TPR: variants seen among roughly 807,000 people sequenced by gnomAD.
The protein encoded by TPR is nucleoprotein TPR.
A neutral mutation model predicts 316.1 loss-of-function variants in TPR; 51 were observed. The ratio of observed to expected loss-of-function variants is 0.16; its 90% CI spans 0.13 to 0.20. TPR has a LOEUF of 0.20. Among genes scored for constraint, TPR ranks in the 10% least tolerant of loss-of-function variants. The pLI is 1.00. For missense variants in TPR, 2,272 were observed against 2,754.8 expected (o/e 0.82, Z 3.92); for synonymous variants, 981 against 914.7 (o/e 1.07, Z -1.31).
Position 186,355,621 on chromosome 1 carries a change from G to A in TPR, c.2022+14C>T, listed in dbSNP as rs540678583. On this transcript the variant is annotated intron_variant, in intron 16 of 50. Transcript: ENST00000367478. ...CTCTAAAAACCTAACCCAGGACAAA[G>A]GTGTGATCTTTACCTGTTTAAGGGC... 2 of 1,614,012 alleles carry A rather than the reference G, an allele frequency of 1.2e-6. No individual in the cohort carries two copies. The highest frequency in any genetic ancestry group is 1.7e-6 in the Non-Finnish European group (2 of 1,179,984).
chr1:186,345,118 C>CACATACATACATACGCTCAAAAT, intron 24 of TPR, among the ~76,000 whole-genome samples: 1 of 152,042 alleles, frequency 6.6e-6, no homozygotes, highest in East Asian at 1.9e-4. Context: ...ATACTGTGTG[C>CACATACATACATACGCTCAAAAT]ACATACATAC....
intron 49 of TPR, 46 bp downstream of exon 49, chr1:186,317,436 A>C (rs1242465555): frequency 2.1e-6 from 3 of 1,430,352 alleles, no homozygotes; most frequent in Non-Finnish European, 3.0e-6. Flanking sequence ...TTCACAAACA[A>C]GTTTGATGTA....
chr1:186,324,564 C>T (rs1442582336), intron 42 of TPR, among the ~76,000 whole-genome samples: 4 of 152,266 alleles, frequency 2.6e-5, no homozygotes, highest in African/African-American at 9.6e-5. Flanking sequence ...GATTCAGATC[C>T]TTGCTCTAAT....
chr1:186,343,117 G>T, intron 27 of TPR: 1 of 466,332 alleles, frequency 2.1e-6, no homozygotes, highest in Non-Finnish European at 3.6e-6. Context: ...ATGGTATGAA[G>T]CTAGAATCTG....
At position 186,352,835 on chromosome 1, in the gene TPR, G is replaced by C. The variant is rs1658905893; in HGVS notation, c.2335-725C>G. 3.3e-5 allele frequency among the ~76,000 whole-genome samples: 5 copies of C among 152,204 alleles called. 1 individual carries two copies. In the South Asian group the frequency reaches 1.0e-3, roughly 31 times the overall value. The stretch of plus-strand genomic sequence containing the variant: ...AGGCAAATTATACATTAGCTCTTGA[G>C]TCTGTTTTACACAGGTAAAATGGGG... On this transcript the variant is annotated intron_variant, in intron 18 of 50. Transcript: ENST00000367478.
rs372907804 is a variant in TPR at position 186,338,184 on chromosome 1, T to C, written c.4211A>G (p.Asn1404Ser). Residue 1404 changes from asparagine (N) to serine (S), a missense_variant, in exon 31 of 51, where the codon AAT becomes AGT. Around this residue, in one of 10 missense-constraint regions of TPR, gnomAD observed 96 missense variants for 134.6 expected, o/e 0.71. Coordinates refer to ENST00000367478, the MANE Select transcript of TPR (RefSeq NM_003292.3). ...GGTTTCCTTTTCAGTTCTTACTTTA[T>C]TTAGATCTTCCTTCAGACTCTGAAT... ...NLIQSLKEDL[N>S]KVRTEKETIQ... is the part of the protein sequence containing the mutation. 36 of 1,612,908 alleles carry C rather than the reference T, an allele frequency of 2.2e-5. No homozygotes were observed. The highest frequency in any genetic ancestry group is 4.5e-5 in the East Asian group (2 of 44,714).
At chr1:186,354,724 T>G (rs1658971813) in intron 17 of TPR, among the ~76,000 whole-genome samples, 1 of 152,202 alleles carries the variant, frequency 6.6e-6, no homozygotes, top group African/African-American at 2.4e-5. Flanking sequence ...TTAATTCTCC[T>G]AAAACTACAT....
rs1037221831 is a variant in TPR at position 186,311,838 on chromosome 1, G to A, written c.*2133C>T. On this transcript the variant is annotated 3_prime_UTR_variant, in exon 51 of 51. Coordinates refer to ENST00000367478, the MANE Select transcript of TPR (RefSeq NM_003292.3). ...CACTGATAGAATGTCATTTACTTTC[G>A]CTTCACAAATGTGCATGTCATCCTT... 1.6e-5 allele frequency: 9 copies of A among 577,992 alleles called. No individual in the cohort carries two copies. The highest frequency in any genetic ancestry group is 1.2e-4 in the East Asian group (4 of 33,436). The allele number at this position is 577,992 out of a possible 1,614,324, so 35.8% of individuals were successfully genotyped here. A position where few individuals can be genotyped will look rare whatever the true frequency, so the allele number is the denominator to read the frequency against.
chr1:186,350,251 A>G lies in TPR; in HGVS notation c.2748T>C (p.Ala916=). 6.2e-7 allele frequency: 1 copy of G among 1,611,460 alleles called. No homozygotes were observed. The highest frequency in any genetic ancestry group is 8.5e-7 in the Non-Finnish European group (1 of 1,179,338). Residue 916 remains alanine, a synonymous_variant, in exon 21 of 51, where the codon GCT becomes GCC. Coordinates refer to ENST00000367478, the MANE Select transcript of TPR (RefSeq NM_003292.3). ...QHLSNMEVQV[A]SQSSQRTGKG... is the part of the protein sequence containing the mutation. ...TACCAGTTCTCTGTGAAGACTGAGA[A>G]GCAACTTGGACTTCCATATTACTGA...
intron 11 of TPR, 110 bp from the exon 12 acceptor site, chr1:186,360,106 T>TA: frequency 7.6e-7 from 1 of 1,320,624 alleles, no homozygotes; most frequent in Non-Finnish European, 1.1e-6. Context: ...TGGCAATGTT[T>TA]ACTATGTTAG....
At position 186,327,707 on chromosome 1, in the gene TPR, T is replaced by C. The variant is rs374126901; in HGVS notation, c.5689-47A>G. On this transcript the variant is annotated intron_variant, in intron 39 of 50. Transcript: ENST00000367478. ...AAAAGAATTAAGAGCCCTATAAACA[T>C]ACCTAAAACTATATGTGAGGTATTA... 6.3e-5 allele frequency: 95 copies of C among 1,496,730 alleles called. No homozygotes were observed. In the Admixed American group the frequency reaches 1.0e-3, roughly 16 times the overall value. 92.7% of individuals were successfully genotyped at this position (1,496,730 alleles called of 1,614,324 possible). A position where few individuals can be genotyped will look rare whatever the true frequency, so the allele number is the denominator to read the frequency against.
intron 50 of TPR, 87 bp from the exon 51 acceptor site, chr1:186,314,113 T>C: frequency 8.0e-7 from 1 of 1,251,272 alleles, no homozygotes; most frequent in East Asian, 2.3e-5. Flanking sequence ...TTATAAAAAA[T>C]ATCTAGGCAT....
intron 2 of TPR, among the ~76,000 whole-genome samples, chr1:186,371,995 A>C (rs1334010936): frequency 6.6e-6 from 1 of 152,180 alleles, no homozygotes; most frequent in Non-Finnish European, 1.5e-5. Flanking sequence ...CACTACTACT[A>C]AACAGATCTT....
intron 37 of TPR, among the ~76,000 whole-genome samples, chr1:186,332,599 G>A (rs1658199400): frequency 6.6e-6 from 1 of 152,066 alleles, no homozygotes; most frequent in Non-Finnish European, 1.5e-5. Context: ...GCTTAATAAA[G>A]CCAGCCAATT....
intron 34 of TPR, 90 bp from the exon 35 acceptor site, chr1:186,335,219 T>C: frequency 6.5e-7 from 1 of 1,547,532 alleles, no homozygotes; most frequent in Non-Finnish European, 8.8e-7. Context: ...GTTAATTCTC[T>C]CCGCATATAT....
chr1:186,351,493 G>A, intron 19 of TPR, 23 bp from the exon 20 acceptor site: 2 of 1,525,532 alleles, frequency 1.3e-6, no homozygotes, highest in South Asian at 1.3e-5. Flanking sequence ...AAAGATTTTT[G>A]GTTATGCTTA....
rs1658822962 is a variant in TPR, at chr1:186,350,365, T to A, written c.2634A>T (p.Arg878Ser). The A allele has an allele frequency of 1.2e-6, 2 of 1,603,182 alleles. No homozygotes were observed. The highest frequency in any genetic ancestry group is 1.7e-6 in the Non-Finnish European group (2 of 1,175,594). Reference protein sequence around the residue: ...NLDVQLLDTKRQLDTETNLHL... With the variant: ...NLDVQLLDTKSQLDTETNLHL... Reference sequence around the variant, plus strand: ...GAAGATTTGTCTCTGTATCCAGTTGTCTCTTTGTATCTAAAAGTTGAACCT... The same window carrying A: ...GAAGATTTGTCTCTGTATCCAGTTGACTCTTTGTATCTAAAAGTTGAACCT... The change falls in exon 21 of 51, where the codon AGA (arginine) becomes AGT (serine). Residue 878 changes from arginine (R) to serine (S), a missense_variant. Physicochemically the swap from Arg to Ser is moderately radical, Grantham distance 110. Around this residue, in one of 10 missense-constraint regions of TPR, gnomAD observed 757 missense variants for 859.8 expected, o/e 0.88. Transcript: ENST00000367478.
chr1:186,336,362 A>G, intron 33 of TPR, 134 bp downstream of exon 33: 4 of 770,588 alleles, frequency 5.2e-6, no homozygotes, highest in Non-Finnish European at 8.3e-6. Flanking sequence ...AATTATTCCT[A>G]ATATTTAAAG....
chr1:186,337,482 G>A (rs1409830668), intron 31 of TPR, among the ~76,000 whole-genome samples: 1 of 151,992 alleles, frequency 6.6e-6, no homozygotes, highest in Non-Finnish European at 1.5e-5. Flanking sequence ...TTGGAAAAAC[G>A]TCGCTTACAT....
Sources: gnomAD v4.1 joint callset for allele counts (sites outside exome capture counted in the v4.1 genomes callset) on GRCh38, gnomAD v4.1.1 for gene constraint, gnomAD v4.1.1 regional missense constraint, MANE v1.5 for transcripts, NCBI Gene and HGNC (gene_info 2026-07-23, HGNC 2026-07-21) for gene names.